Variants in CALN1 observed in about 807,000 individuals in gnomAD.
The protein encoded by CALN1 is calcium-binding protein 8.
CALN1 carries 17 observed loss-of-function variants against 30.6 expected under a neutral mutation model. The ratio of observed to expected loss-of-function variants is 0.56; its 90% CI spans 0.38 to 0.83. CALN1 has a LOEUF of 0.83. Ranked by LOEUF, CALN1 falls within the 40% of genes least tolerant of loss-of-function variation. The pLI, the probability that CALN1 is intolerant of heterozygous loss-of-function variation, is 0.00. For missense variants in CALN1, 291 were observed against 354.9 expected, an observed-to-expected ratio of 0.82 and a Z score of 1.45; for synonymous variants, 156 against 131.4, an observed-to-expected ratio of 1.19 and a Z score of -1.28.
At chr7:72,299,738 T>C (rs561677080) in intron 2 of CALN1, among the ~76,000 whole-genome samples, 82 of 150,234 alleles carry the variant, frequency 5.5e-4, no homozygotes, top group Non-Finnish European at 8.0e-4. Context: ...TCCTGCTGTG[T>C]TGCCCAGACT....
At chr7:72,481,530 T>C in the CALN1 span, among the ~76,000 whole-genome samples, 5 of 152,258 alleles carry the variant, frequency 3.3e-5, no homozygotes, top group Non-Finnish European at 5.9e-5. Context: ...ATTTTGCTCT[T>C]CATTTTCTAG....
chr7:71,852,635 C>A (rs1314112195), intron 5 of CALN1, among the ~76,000 whole-genome samples: 1 of 152,076 alleles, frequency 6.6e-6, no homozygotes, highest in East Asian at 1.9e-4. Flanking sequence ...AACTGCCAAA[C>A]AGTTTTCCAA....
At chr7:71,945,773 T>A (rs1476532498) in intron 5 of CALN1, among the ~76,000 whole-genome samples, 2 of 152,212 alleles carry the variant, frequency 1.3e-5, no homozygotes, top group Non-Finnish European at 2.9e-5. Context: ...TAATTACACG[T>A]TGTGTAATTA....
chr7:71,837,766 C>A (rs1789707752), intron 5 of CALN1, among the ~76,000 whole-genome samples: 1 of 152,050 alleles, frequency 6.6e-6, no homozygotes. Context: ...TAATTTAAAA[C>A]AAAGGCCTTA....
chr7:71,834,348 T>TAAAAAAAAAAAAAAAAAAAAAAA, intron 5 of CALN1, among the ~76,000 whole-genome samples: 1 of 89,818 alleles, frequency 1.1e-5, no homozygotes, highest in Non-Finnish European at 2.1e-5. Flanking sequence ...CGATCCACCC[T>TAAAAAAAAAAAAAAAAAAAAAAA]AAAAAAAAAA....
At chr7:72,387,814 C>T (rs1805328648) in intron 2 of CALN1, among the ~76,000 whole-genome samples, 1 of 152,104 alleles carries the variant, frequency 6.6e-6, no homozygotes, top group Non-Finnish European at 1.5e-5. Context: ...CATGATCTCA[C>T]CCACAGGTGA....
intron 4 of CALN1, among the ~76,000 whole-genome samples, chr7:72,105,826 G>A (rs1807063587): frequency 2.8e-5 from 3 of 106,486 alleles, no homozygotes; most frequent in Non-Finnish European, 5.9e-5. Flanking sequence ...GGGAGGGAGA[G>A]GGGGATAGGG....
intron 5 of CALN1, among the ~76,000 whole-genome samples, chr7:71,941,343 T>C (rs1352052405): frequency 7.6e-6 from 1 of 132,276 alleles, no homozygotes; most frequent in Non-Finnish European, 1.6e-5. Flanking sequence ...AGAGTGAGAC[T>C]GCATCTCAAA....
At chr7:72,397,413 C>A (rs1806034077) in intron 2 of CALN1, among the ~76,000 whole-genome samples, 2 of 152,098 alleles carry the variant, frequency 1.3e-5, no homozygotes, top group Admixed American at 6.5e-5. Context: ...GAAGTTGAGG[C>A]AACAAGAGGT....
rs960499796 is a variant in CALN1, at chr7:72,293,734, G to A, written c.120-14924C>T. Among the ~76,000 whole-genome samples, 12 of 152,258 alleles carry A rather than the reference G, an allele frequency of 7.9e-5. No homozygotes were observed. In the East Asian group the frequency reaches 1.2e-3, roughly 15 times the overall value. On this transcript the variant is annotated intron_variant, in intron 2 of 6. Transcript: ENST00000395275. ...CATGTTAGCTTAGGACACTGACAGA[G>A]GTAGATCTCCAGGTAACATTTTTGA... is the stretch of plus-strand genomic sequence containing the variant.
At chr7:72,504,261 T>A in the CALN1 span, among the ~76,000 whole-genome samples, 1 of 152,160 alleles carries the variant, frequency 6.6e-6, no homozygotes, top group Admixed American at 6.6e-5. Flanking sequence ...GTGAGTCTAT[T>A]TCCATGATGA....
At chr7:72,060,849 G>A (rs2129536976) in intron 4 of CALN1, among the ~76,000 whole-genome samples, 1 of 152,300 alleles carries the variant, frequency 6.6e-6, no homozygotes, top group East Asian at 1.9e-4. Flanking sequence ...ACCAGAAGCT[G>A]AGCAGATGTG....
Position 71,781,135 on chromosome 7 carries a change from G to A in CALN1, c.*6640C>T, listed in dbSNP as rs1792691599. 6.6e-6 allele frequency: 1 copy of A among 152,188 alleles called. No individual in the cohort carries two copies. The highest frequency in any genetic ancestry group is 1.5e-5 in the Non-Finnish European group (1 of 68,032). 9.4% of individuals were successfully genotyped at this position (152,188 alleles called of 1,614,324 possible). ...GAAATCCAGACCCTCTCAGTAGGGA[G>A]CATTCACTCCATCTTGTTTCAGACA... On this transcript the variant is annotated 3_prime_UTR_variant, in exon 7 of 7. Coordinates refer to ENST00000395275, the MANE Select transcript of CALN1 (RefSeq NM_031468.4).
At chr7:72,199,245 A>G (rs911716616) in intron 3 of CALN1, among the ~76,000 whole-genome samples, 1 of 152,236 alleles carries the variant, frequency 6.6e-6, no homozygotes, top group African/African-American at 2.4e-5. Flanking sequence ...ACTGCACTCC[A>G]GCCTGGATGA....
chr7:72,418,434 G>A (rs184948921), intron 1 of CALN1, among the ~76,000 whole-genome samples: 7 of 152,320 alleles, frequency 4.6e-5, no homozygotes, highest in African/African-American at 1.4e-4. Context: ...ACATACAAGT[G>A]CAGGTGTCTT....
chr7:72,449,158 A>G (rs558676866), upstream of CALN1, among the ~76,000 whole-genome samples: 2 of 152,312 alleles, frequency 1.3e-5, no homozygotes, highest in East Asian at 3.9e-4. Flanking sequence ...GAACTAAGCC[A>G]GTAATGCTCT....
chr7:71,793,071 G>A (rs1313360838), intron 6 of CALN1, among the ~76,000 whole-genome samples: 2 of 152,202 alleles, frequency 1.3e-5, no homozygotes, highest in African/African-American at 4.8e-5. Context: ...TTGGGAGGCT[G>A]AGGTGGGTGG....
intron 2 of CALN1, among the ~76,000 whole-genome samples, chr7:72,398,091 G>A (rs1463947175): frequency 2.6e-5 from 4 of 152,114 alleles, no homozygotes; most frequent in Middle Eastern, 3.2e-3. Flanking sequence ...CACCTGTTAG[G>A]GACAGGGAAG....
chr7:72,322,000 G>A (rs539996730), intron 2 of CALN1, among the ~76,000 whole-genome samples: 18 of 152,248 alleles, frequency 1.2e-4, no homozygotes, highest in South Asian at 2.1e-4. Context: ...CCCATGGACC[G>A]GGGGCAGGAG....
Sources: gnomAD v4.1 joint callset for allele counts (sites outside exome capture counted in the v4.1 genomes callset) on GRCh38, gnomAD v4.1.1 for gene constraint, MANE v1.5 for transcripts, NCBI Gene and HGNC (gene_info 2026-07-23, HGNC 2026-07-21) for gene names.